RBFOX1: variants seen among roughly 807,000 people sequenced by gnomAD.
RBFOX1 encodes RNA binding protein fox-1 homolog 1.
In RBFOX1, 8 loss-of-function variants were observed where a neutral mutation model predicts 57.7. That is an observed-to-expected ratio of 0.14 (90% CI 0.08 to 0.25). RBFOX1 has a LOEUF of 0.25. Among genes scored for constraint, RBFOX1 ranks in the 10% least tolerant of loss-of-function variants. RBFOX1 has a pLI of 1.00. For synonymous variants in RBFOX1, 326 were observed against 222.4 expected, an observed-to-expected ratio of 1.47 and a Z score of -4.15; for missense variants, 611 against 548.5, an observed-to-expected ratio of 1.11 and a Z score of -1.14.
chr16:7,478,211 G>T (rs1037611254), intron 4 of RBFOX1, among the ~76,000 whole-genome samples: 1 of 152,166 alleles, frequency 6.6e-6, no homozygotes. Context: ...AGAAAATGTT[G>T]CTACCTTCAT....
At chr16:6,160,820 A>AGAGAG (rs1454760907) in intron 1 of RBFOX1, among the ~76,000 whole-genome samples, 1 of 152,080 alleles carries the variant, frequency 6.6e-6, no homozygotes, top group Non-Finnish European at 1.5e-5. Flanking sequence ...GATCCTCTCA[A>AGAGAG]GATCAGCTCT....
intron 1 of RBFOX1, among the ~76,000 whole-genome samples, chr16:5,336,827 T>C (rs118042666): frequency 1.3e-5 from 2 of 152,212 alleles, no homozygotes; most frequent in African/African-American, 2.4e-5. Flanking sequence ...CTTTAAATGG[T>C]GCTCATGGCT....
intron 1 of RBFOX1, among the ~76,000 whole-genome samples, chr16:5,414,182 C>T (rs1049563770): frequency 1.3e-5 from 2 of 152,106 alleles, no homozygotes; most frequent in Non-Finnish European, 2.9e-5. Flanking sequence ...CAAGGGTGAT[C>T]ACTTGATTGG....
intron 2 of RBFOX1, among the ~76,000 whole-genome samples, chr16:6,439,338 C>T (rs747773701): frequency 3.2e-4 from 49 of 152,196 alleles, no homozygotes; most frequent in Admixed American, 1.4e-3. Flanking sequence ...GGACGGCCAA[C>T]CTCTCCTTTC....
chr16:6,575,761 GC>G (rs1477737714), intron 2 of RBFOX1, among the ~76,000 whole-genome samples: 4 of 151,624 alleles, frequency 2.6e-5, no homozygotes, highest in African/African-American at 9.7e-5. Flanking sequence ...GGAGGCTGAG[GC>G]AGGAGAATCG....
At chr16:6,668,438 T>G (rs910394021) in intron 3 of RBFOX1, among the ~76,000 whole-genome samples, 21 of 152,346 alleles carry the variant, frequency 1.4e-4, no homozygotes, top group African/African-American at 5.1e-4. Flanking sequence ...AAGATGCTTC[T>G]GTTCTTAGGG....
chr16:7,031,560 C>A (rs908556926), intron 3 of RBFOX1, among the ~76,000 whole-genome samples: 3 of 151,200 alleles, frequency 2.0e-5, no homozygotes, highest in African/African-American at 7.3e-5. Flanking sequence ...AAGATCATGC[C>A]ACTGCACTCC....
intron 2 of RBFOX1, among the ~76,000 whole-genome samples, chr16:5,597,270 C>A (rs2151198241): frequency 6.9e-6 from 1 of 145,530 alleles, no homozygotes; most frequent in East Asian, 2.0e-4. Context: ...CCTCTCTGTC[C>A]TTCCCTCTTT....
At chr16:7,514,553 C>G (rs1002867546) in intron 4 of RBFOX1, among the ~76,000 whole-genome samples, 13 of 152,138 alleles carry the variant, frequency 8.5e-5, no homozygotes, top group African/African-American at 3.1e-4. Flanking sequence ...TGCAGTGGAG[C>G]AGAGGGGATG....
intron 3 of RBFOX1, among the ~76,000 whole-genome samples, chr16:6,831,306 A>G (rs1462518012): frequency 6.6e-6 from 1 of 152,086 alleles, no homozygotes; most frequent in African/African-American, 2.4e-5. Context: ...TACAGAAACA[A>G]CTTCTTGGAC....
chr16:5,804,132 G>C (rs893427902), intron 3 of RBFOX1, among the ~76,000 whole-genome samples: 4 of 152,172 alleles, frequency 2.6e-5, no homozygotes, highest in African/African-American at 9.7e-5. Context: ...GAAGTCAAGG[G>C]CCTCAGTCCA....
At chr16:7,423,563 C>T (rs1156569787) in intron 4 of RBFOX1, among the ~76,000 whole-genome samples, 1 of 152,092 alleles carries the variant, frequency 6.6e-6, no homozygotes, top group African/African-American at 2.4e-5. Context: ...ATTTCACAGT[C>T]CTACCCTCAC....
At chr16:5,391,899 A>G (rs1360343798) in intron 1 of RBFOX1, among the ~76,000 whole-genome samples, 1 of 151,556 alleles carries the variant, frequency 6.6e-6, no homozygotes, top group Non-Finnish European at 1.5e-5. Flanking sequence ...ATACACACAC[A>G]CACACACACG....
intron 3 of RBFOX1, among the ~76,000 whole-genome samples, chr16:6,808,498 A>G (rs2087530899): frequency 6.6e-6 from 1 of 152,116 alleles, no homozygotes; most frequent in African/African-American, 2.4e-5. Context: ...TGGAAAATAA[A>G]ACAGCACCAT....
At chr16:7,624,525 G>C (rs1171893855) in intron 10 of RBFOX1, among the ~76,000 whole-genome samples, 4 of 152,186 alleles carry the variant, frequency 2.6e-5, no homozygotes, top group African/African-American at 9.6e-5. Flanking sequence ...GAGTTCAACA[G>C]ATGTACCCCA....
chr16:7,428,430 G>A (rs906308373), intron 4 of RBFOX1, among the ~76,000 whole-genome samples: 28 of 144,868 alleles, frequency 1.9e-4, no homozygotes, highest in Admixed American at 1.5e-3. Context: ...GGGTTCTAGT[G>A]ATTCTCCTGC....
chr16:6,617,362 A>G (rs952376256), intron 2 of RBFOX1, among the ~76,000 whole-genome samples: 2 of 152,250 alleles, frequency 1.3e-5, no homozygotes, highest in Admixed American at 1.3e-4. Flanking sequence ...CAGCAGAGAC[A>G]TTGTGTATCT....
chr16:7,506,273 G>C (rs1289276871), intron 4 of RBFOX1, among the ~76,000 whole-genome samples: 1 of 150,498 alleles, frequency 6.6e-6, no homozygotes, highest in African/African-American at 2.5e-5. Flanking sequence ...ATCTAAATGA[G>C]GTCAGATCTG....
chr16:6,155,317 C>G (rs1311111899), intron 1 of RBFOX1, among the ~76,000 whole-genome samples: 8 of 152,296 alleles, frequency 5.3e-5, no homozygotes, highest in African/African-American at 1.4e-4. Flanking sequence ...ATTCAGTGTT[C>G]AGCGCCGTGG....
Sources: allele counts gnomAD v4.1 joint callset (sites outside exome capture counted in the v4.1 genomes callset), GRCh38; gene constraint gnomAD v4.1.1; transcripts MANE v1.5; gene names NCBI Gene and HGNC (gene_info 2026-07-23, HGNC 2026-07-21).